Variants in TGFBI observed in about 807,000 individuals in gnomAD.
The protein encoded by TGFBI is transforming growth factor-beta-induced protein ig-h3.
A neutral mutation model predicts 73.7 loss-of-function variants in TGFBI; 50 were observed. That is an observed-to-expected ratio of 0.68 (90% confidence interval 0.54 to 0.86). The LOEUF (loss-of-function observed/expected upper bound fraction) is 0.86. Ranked by LOEUF, TGFBI falls within the 40% of genes least tolerant of loss-of-function variation. The pLI, the probability that TGFBI is intolerant of heterozygous loss-of-function variation, is 0.00. For missense variants in TGFBI, 839 were observed against 877.0 expected (o/e 0.96, Z 0.55); for synonymous variants, 362 against 360.5 (o/e 1.00, Z -0.05).
At position 136,059,284 on chromosome 5, in the gene TGFBI, C is replaced by G. The variant is rs895966703; in HGVS notation, c.1803+70C>G. 2.5e-5 allele frequency: 40 copies of G among 1,572,462 alleles called. No individual in the cohort carries two copies. In the South Asian group the frequency reaches 4.7e-4, roughly 18 times the overall value. ...AGGGCTCCAGGACATATCTCACCCC[C>G]AGGATGGAATTATACACACACAACC... On this transcript the variant is annotated intron_variant, in intron 13 of 16. Coordinates refer to ENST00000442011, the MANE Select transcript of TGFBI (RefSeq NM_000358.3).
At chr5:136,060,200 C>A (rs1248098775) in intron 13 of TGFBI, among the ~76,000 whole-genome samples, 2 of 152,236 alleles carry the variant, frequency 1.3e-5, no homozygotes, top group African/African-American at 4.8e-5. Context: ...CAGTCTCAGT[C>A]TCCTCTTCTG....
intron 2 of TGFBI, 118 bp from the exon 3 acceptor site, chr5:136,043,940 T>A: frequency 1.3e-6 from 1 of 783,544 alleles, no homozygotes; most frequent in Non-Finnish European, 2.2e-6. Context: ...AAGAGGAGAG[T>A]GTTTCACCCA....
At chr5:136,055,865 G>T (rs1438900816) in intron 11 of TGFBI, 49 bp downstream of exon 11, 3 of 1,543,460 alleles carry the variant, frequency 1.9e-6, no homozygotes, top group Non-Finnish European at 2.6e-6. Context: ...GGTCATGCTG[G>T]AGTGGGATGT....
intron 7 of TGFBI, among the ~76,000 whole-genome samples, chr5:136,050,327 G>A (rs45451099): frequency 0.048 from 5,004 of 104,900 alleles, 110 homozygotes; most frequent in Middle Eastern, 0.074. Flanking sequence ...GCGACACTCC[G>A]TCTCAAGAAA....
chr5:136,036,520 G>A (rs1474338514), intron 2 of TGFBI, among the ~76,000 whole-genome samples: 2 of 152,186 alleles, frequency 1.3e-5, no homozygotes, highest in Non-Finnish European at 2.9e-5. Context: ...ACCCATCTCT[G>A]TTCTTGTAGA....
chr5:136,033,128 C>T (rs1371522241), intron 1 of TGFBI, among the ~76,000 whole-genome samples: 1 of 152,094 alleles, frequency 6.6e-6, no homozygotes, highest in African/African-American at 2.4e-5. Flanking sequence ...GAGACACCCC[C>T]CACCTCCCCG....
chr5:136,044,309 G>A (rs1055113774), intron 3 of TGFBI, among the ~76,000 whole-genome samples, 187 bp downstream of exon 3: 1 of 152,240 alleles, frequency 6.6e-6, no homozygotes, highest in Non-Finnish European at 1.5e-5. Context: ...TGGAAACAGC[G>A]CATTTCCTGA....
chr5:136,056,659 C>A lies in TGFBI; in HGVS notation c.1548-6C>A, dbSNP rs923574898. The stretch of plus-strand genomic sequence containing the variant: ...CAGGTGACATTTTCTGTGTGTGTAT[C>A]TACAGCATGCTGGTAGCTGCCATCC... On this transcript the variant is annotated splice_region_variant and splice_polypyrimidine_tract_variant and intron_variant, in intron 11 of 16. Coordinates refer to ENST00000442011, the MANE Select transcript of TGFBI (RefSeq NM_000358.3). 3.3e-5 allele frequency: 53 copies of A among 1,613,742 alleles called. No homozygotes were observed. The highest frequency in any genetic ancestry group is 4.3e-5 in the Non-Finnish European group (51 of 1,179,856).
chr5:136,037,454 C>T (rs1368352283), intron 2 of TGFBI, among the ~76,000 whole-genome samples: 4 of 152,054 alleles, frequency 2.6e-5, no homozygotes, highest in East Asian at 3.9e-4. Flanking sequence ...GGCTGCCTCT[C>T]GACAGGCTTC....
rs1751644542 is a variant in TGFBI at position 136,056,871 on chromosome 5, G to A, written c.1678+76G>A. Reference sequence around the variant, plus strand: ...TCAGGGCCCCAGCAGCAAACAGTTGGCACATCAAGGATTGACTTGAAGGGA... The same window carrying A: ...TCAGGGCCCCAGCAGCAAACAGTTGACACATCAAGGATTGACTTGAAGGGA... On this transcript the variant is annotated intron_variant, in intron 12 of 16. Coordinates refer to ENST00000442011, the MANE Select transcript of TGFBI (RefSeq NM_000358.3). 6 of 1,497,978 alleles carry A rather than the reference G, an allele frequency of 4.0e-6. No individual in the cohort carries two copies. The African/African-American group carries it at 5.6e-5, about 14-fold the overall frequency. 92.8% of individuals were successfully genotyped at this position (1,497,978 alleles called of 1,614,324 possible).
intron 2 of TGFBI, among the ~76,000 whole-genome samples, chr5:136,043,011 A>G (rs1448572280): frequency 2.0e-5 from 3 of 152,170 alleles, no homozygotes; most frequent in Non-Finnish European, 4.4e-5. Flanking sequence ...CACAGTGAGC[A>G]GTTCTGCGGT....
intron 15 of TGFBI, among the ~76,000 whole-genome samples, chr5:136,062,285 T>C (rs4976469): frequency 0.98 from 149,697 of 152,270 alleles, 73,590 homozygotes; most frequent in East Asian, 1. Flanking sequence ...TGGAGCTTAC[T>C]GTGTCACTTT....
intron 4 of TGFBI, 110 bp from the exon 5 acceptor site, chr5:136,046,741 G>T: frequency 7.2e-7 from 1 of 1,394,728 alleles, no homozygotes; most frequent in East Asian, 2.5e-5. Flanking sequence ...CTTGGCAGAA[G>T]AGAGGCCTGG....
chr5:136,045,986 C>T (rs1255512060), intron 3 of TGFBI: 1 of 181,010 alleles, frequency 5.5e-6, no homozygotes, highest in East Asian at 1.4e-4. Context: ...TTTCAATAAA[C>T]AGGTAAATCT....
chr5:136,029,013 G>C lies in TGFBI; in HGVS notation c.-43G>C. ...CTCACTTCCCTGGAGCCGCCCGCTT[G>C]CCCGTCGGTCGCTAGCTCGCTCGGT... On this transcript the variant is annotated 5_prime_UTR_variant, in exon 1 of 17. Coordinates refer to ENST00000442011, the MANE Select transcript of TGFBI (RefSeq NM_000358.3). 6.6e-7 allele frequency: 1 copy of C among 1,509,504 alleles called. No homozygotes were observed. Among genetic ancestry groups the C allele is most frequent in the Non-Finnish European group, 8.8e-7 (1 of 1,135,952 alleles). The allele number at this position is 1,509,504 out of a possible 1,614,324, so 93.5% of individuals were successfully genotyped here.
At chr5:136,041,205 A>G (rs1368229212) in intron 2 of TGFBI, among the ~76,000 whole-genome samples, 1 of 152,234 alleles carries the variant, frequency 6.6e-6, no homozygotes, top group Non-Finnish European at 1.5e-5. Flanking sequence ...GAGATGCCAG[A>G]CTGGGCAGCA....
intron 1 of TGFBI, among the ~76,000 whole-genome samples, chr5:136,030,337 A>G (rs1263298395): frequency 6.6e-6 from 1 of 152,168 alleles, no homozygotes; most frequent in South Asian, 2.1e-4. Flanking sequence ...TCCTTGCACT[A>G]GGAGTGCTCT....
intron 7 of TGFBI, chr5:136,049,954 C>A: frequency 5.6e-6 from 1 of 180,098 alleles, no homozygotes; most frequent in Non-Finnish European, 1.2e-5. Context: ...GATACTGGCA[C>A]CCTTGAAATG....
At chr5:136,054,988 T>G (rs986199828) in intron 10 of TGFBI, 127 bp downstream of exon 10, 2 of 1,149,956 alleles carry the variant, frequency 1.7e-6, no homozygotes, top group East Asian at 4.7e-5. Context: ...AGGAAGGAAA[T>G]AATTTCTGGA....
Sources: allele counts gnomAD v4.1 joint callset (sites outside exome capture counted in the v4.1 genomes callset), GRCh38; gene constraint gnomAD v4.1.1; transcripts MANE v1.5; gene names NCBI Gene and HGNC (gene_info 2026-07-23, HGNC 2026-07-21).